SPECC1: variants seen among roughly 807,000 people sequenced by gnomAD.
The protein encoded by SPECC1 is cytospin-B.
In SPECC1, 62 loss-of-function variants were observed where a neutral mutation model predicts 104.1. That is an observed-to-expected ratio of 0.60 (90% CI 0.49 to 0.74). The LOEUF (loss-of-function observed/expected upper bound fraction) is 0.74. Ranked by LOEUF, SPECC1 falls within the 30% of genes least tolerant of loss-of-function variation. The probability of loss-of-function intolerance (pLI) is 0.00; values close to 1 mark genes in which losing one functional copy is unlikely to be tolerated. For missense variants in SPECC1, 1,306 were observed against 1,310.5 expected (o/e 1.00, Z 0.05); for synonymous variants, 513 against 501.6 (o/e 1.02, Z -0.30).
At chr17:20,142,623 G>T (rs149556829) in intron 3 of SPECC1, among the ~76,000 whole-genome samples, 1 of 152,200 alleles carries the variant, frequency 6.6e-6, no homozygotes, top group Non-Finnish European at 1.5e-5. Flanking sequence ...AAGTTGAATG[G>T]TGATTGCCAG....
chr17:20,071,261 A>T (rs1221325921), intron 1 of SPECC1, among the ~76,000 whole-genome samples: 2 of 151,896 alleles, frequency 1.3e-5, no homozygotes, highest in Non-Finnish European at 1.5e-5. Flanking sequence ...CTGAATTCTT[A>T]TTTCTGGGCT....
chr17:20,042,691 C>T (rs768771015), intron 1 of SPECC1, among the ~76,000 whole-genome samples: 1 of 152,218 alleles, frequency 6.6e-6, no homozygotes, highest in Non-Finnish European at 1.5e-5. Context: ...ATTAGACTGT[C>T]TCCTTCCTGG....
chr17:20,225,884 A>G (rs570693955), intron 4 of SPECC1, among the ~76,000 whole-genome samples: 1 of 152,090 alleles, frequency 6.6e-6, no homozygotes, highest in Middle Eastern at 3.4e-3. Flanking sequence ...CTTTGTCACA[A>G]TTTCCCAGTG....
At chr17:20,291,277 C>G (rs1421802500) in intron 12 of SPECC1, among the ~76,000 whole-genome samples, 1 of 152,246 alleles carries the variant, frequency 6.6e-6, no homozygotes, top group East Asian at 1.9e-4. Flanking sequence ...TTTCCTTTCA[C>G]TCTTGTCGAA....
At chr17:20,016,503 C>T (rs865830888) in intron 1 of SPECC1, among the ~76,000 whole-genome samples, 10 of 152,268 alleles carry the variant, frequency 6.6e-5, no homozygotes, top group Middle Eastern at 3.4e-3. Flanking sequence ...GTACGCGGTG[C>T]TTGCGGGCCA....
chr17:20,116,922 A>C (rs537672762), intron 3 of SPECC1, among the ~76,000 whole-genome samples: 15 of 146,858 alleles, frequency 1.0e-4, no homozygotes, highest in Non-Finnish European at 2.1e-4. Context: ...CCGTCCCTGC[A>C]GTGGAGAGTG....
chr17:20,298,122 C>A (rs146639309), intron 13 of SPECC1, among the ~76,000 whole-genome samples: 1 of 152,064 alleles, frequency 6.6e-6, no homozygotes, highest in Non-Finnish European at 1.5e-5. Context: ...GAGGCCGAAG[C>A]GGGTGGATCA....
chr17:20,070,387 TTATTC>T (rs1249378249), intron 1 of SPECC1, among the ~76,000 whole-genome samples: 1 of 152,194 alleles, frequency 6.6e-6, no homozygotes, highest in Non-Finnish European at 1.5e-5. Context: ...GTTTTGTCCT[TTATTC>T]TATTACTAGG....
intron 3 of SPECC1, among the ~76,000 whole-genome samples, chr17:20,167,196 T>C (rs553541072): frequency 6.8e-6 from 1 of 148,092 alleles, no homozygotes; most frequent in Admixed American, 6.8e-5. Context: ...TAGCTACATA[T>C]ATGTGTTTAT....
chr17:20,151,245 C>T (rs994372875), intron 3 of SPECC1, among the ~76,000 whole-genome samples: 1 of 152,078 alleles, frequency 6.6e-6, no homozygotes, highest in African/African-American at 2.4e-5. Flanking sequence ...GAATTTTGAT[C>T]TTTTACCAGG....
At chr17:20,046,488 TAGAC>T (rs1451257201) in intron 1 of SPECC1, among the ~76,000 whole-genome samples, 2 of 152,118 alleles carry the variant, frequency 1.3e-5, no homozygotes, top group Non-Finnish European at 2.9e-5. Flanking sequence ...AATGAATAAA[TAGAC>T]AGAAATCCCT....
chr17:20,216,687 C>G (rs1008778113), intron 4 of SPECC1, among the ~76,000 whole-genome samples: 4 of 152,140 alleles, frequency 2.6e-5, no homozygotes, highest in Non-Finnish European at 4.4e-5. Context: ...AGGAACCCTT[C>G]TTGGGAAGTT....
At chr17:20,214,599 C>T (rs1047018524) in intron 4 of SPECC1, among the ~76,000 whole-genome samples, 2 of 152,208 alleles carry the variant, frequency 1.3e-5, no homozygotes, top group Admixed American at 6.5e-5. Context: ...CCTCCACCTC[C>T]TGGGTTCAAG....
rs1265400681 is a variant in SPECC1 at position 20,296,952 on chromosome 17, C to G, written c.2941-9C>G. ...AGTTCTTGTTTATTACTACTTTTCT[C>G]TCCTGCAGAACATTGACATCACCAA... On this transcript the variant is annotated splice_polypyrimidine_tract_variant and intron_variant, in intron 12 of 14. Coordinates refer to ENST00000395527, the MANE Select transcript of SPECC1 (RefSeq NM_001243439.2). The G allele has an allele frequency of 2.5e-6, 4 of 1,613,506 alleles. No individual in the cohort carries two copies. Among genetic ancestry groups the G allele is most frequent in the Non-Finnish European group, 3.4e-6 (4 of 1,179,606 alleles).
intron 1 of SPECC1, among the ~76,000 whole-genome samples, chr17:20,035,919 G>A (rs1203092376): frequency 6.6e-6 from 1 of 151,608 alleles, no homozygotes; most frequent in African/African-American, 2.4e-5. Flanking sequence ...CTGCCTCCGG[G>A]TTCAAGTGAT....
intron 1 of SPECC1, among the ~76,000 whole-genome samples, chr17:20,019,854 T>TGAA (rs2044302137): frequency 2.6e-5 from 1 of 38,062 alleles, no homozygotes; most frequent in Non-Finnish European, 6.1e-5. Flanking sequence ...GGGCCTTTCA[T>TGAA]CACTGGCTTC....
chr17:20,161,187 G>C (rs1276292023), intron 3 of SPECC1, among the ~76,000 whole-genome samples: 1 of 152,072 alleles, frequency 6.6e-6, no homozygotes, highest in Admixed American at 6.6e-5. Flanking sequence ...TTCCAACCTG[G>C]GTGACAGAGT....
intron 3 of SPECC1, among the ~76,000 whole-genome samples, chr17:20,169,201 A>G (rs1233685882): frequency 6.6e-6 from 1 of 152,212 alleles, no homozygotes; most frequent in Non-Finnish European, 1.5e-5. Context: ...CATTCACACT[A>G]TGAACAAAAT....
chr17:20,234,012 G>A lies in SPECC1; in HGVS notation c.2351+1607G>A, dbSNP rs2038757737. On this transcript the variant is annotated intron_variant, in intron 7 of 14. Transcript: ENST00000395527. ...ACGTATACTCTGAGACACAGGCCAG[G>A]TTCTTCTATGAGATGCCATGTTTCT... Among the ~76,000 whole-genome samples, 3 of 152,184 alleles carry A rather than the reference G, an allele frequency of 2.0e-5. No individual in the cohort carries two copies. In the South Asian group the frequency reaches 6.2e-4, roughly 32 times the overall value.
Sources: allele counts gnomAD v4.1 joint callset (sites outside exome capture counted in the v4.1 genomes callset), GRCh38; gene constraint gnomAD v4.1.1; transcripts MANE v1.5; gene names NCBI Gene and HGNC (gene_info 2026-07-23, HGNC 2026-07-21).